Variants in SSH2 observed in about 807,000 individuals in gnomAD.
SSH2 encodes the protein protein phosphatase Slingshot homolog 2.
Under a neutral mutation model 135.2 loss-of-function variants are expected in SSH2, and 37 were observed. The ratio of observed to expected loss-of-function variants is 0.27; its 90% CI spans 0.21 to 0.36. SSH2 has a LOEUF of 0.36. Among genes scored for constraint, SSH2 ranks in the 10% least tolerant of loss-of-function variants. The pLI is 1.00. For synonymous variants in SSH2, 628 were observed against 646.2 expected (o/e 0.97, Z 0.43); for missense variants, 1,408 against 1,765.3 (o/e 0.80, Z 3.63).
chr17:29,713,073 C>A (rs1445907005), intron 3 of SSH2, among the ~76,000 whole-genome samples: 1 of 152,210 alleles, frequency 6.6e-6, no homozygotes, highest in Non-Finnish European at 1.5e-5. Flanking sequence ...TGGTGGCTCA[C>A]GCCTGTAATT....
intron 3 of SSH2, among the ~76,000 whole-genome samples, chr17:29,736,248 G>GA (rs58841564): frequency 0.44 from 67,063 of 151,520 alleles, 15,144 homozygotes; most frequent in Non-Finnish European, 0.48. Context: ...CATTAAATCT[G>GA]CCAGCAAAAG....
chr17:29,822,016 A>G (rs1305925659), intron 2 of SSH2, among the ~76,000 whole-genome samples: 2 of 152,240 alleles, frequency 1.3e-5, no homozygotes, highest in Non-Finnish European at 2.9e-5. Context: ...CATGAGCTAA[A>G]CAGTAACCTG....
chr17:29,760,097 G>T (rs962163994), intron 3 of SSH2, among the ~76,000 whole-genome samples: 1 of 152,100 alleles, frequency 6.6e-6, no homozygotes, highest in Non-Finnish European at 1.5e-5. Flanking sequence ...AGTTTAATTC[G>T]ATTTGGTAGG....
chr17:29,716,496 A>G, intron 3 of SSH2: 1 of 709,582 alleles, frequency 1.4e-6, no homozygotes, highest in South Asian at 1.4e-5. Flanking sequence ...TTAACATTGT[A>G]GACTCCTTCA....
chr17:29,630,996 G>A lies in SSH2; in HGVS notation c.4198C>T (p.Pro1400Ser), dbSNP rs750299901. ...LELTSSEGGL[P>S]VLQTQGLQCA... The stretch of plus-strand genomic sequence containing the variant: ...TGCAGTCCCTGGGTCTGTAGCACGG[G>A]AAGGCCTCCTTCAGAACTAGTCAAT... The change falls in exon 16 of 16, where the codon CCC becomes TCC. Residue 1400 changes from proline (P) to serine (S), a missense_variant. Pro to Ser is a moderately conservative substitution (Grantham distance 74). This residue lies in a region of SSH2 where 1,080 missense variants were observed against 1,144.5 expected (regional missense o/e 0.94). Transcript: ENST00000540801. 56 of 1,613,808 alleles carry A rather than the reference G, an allele frequency of 3.5e-5. No individual in the cohort carries two copies. The highest frequency in any genetic ancestry group is 5.5e-5 in the South Asian group (5 of 91,088).
intron 2 of SSH2, among the ~76,000 whole-genome samples, chr17:29,796,407 C>T (rs2042156790): frequency 6.6e-6 from 1 of 152,190 alleles, no homozygotes; most frequent in South Asian, 2.1e-4. Flanking sequence ...GTGGCGCAAT[C>T]TCAGCTCACT....
chr17:29,692,321 A>G (rs1330759213), intron 5 of SSH2, among the ~76,000 whole-genome samples: 3 of 152,192 alleles, frequency 2.0e-5, no homozygotes, highest in African/African-American at 7.2e-5. Context: ...TAATTTGTCC[A>G]AAGTCATACA....
At chr17:29,732,491 C>CA (rs1397562968) in intron 3 of SSH2, among the ~76,000 whole-genome samples, 5 of 151,932 alleles carry the variant, frequency 3.3e-5, no homozygotes, top group African/African-American at 4.8e-5. Flanking sequence ...TGGTCTAGTG[C>CA]AAAAAAATTT....
At chr17:29,753,991 C>T (rs986841180) in intron 3 of SSH2, among the ~76,000 whole-genome samples, 1 of 152,122 alleles carries the variant, frequency 6.6e-6, no homozygotes, top group Admixed American at 6.5e-5. Context: ...GCTCTGGATT[C>T]AGAGACAAGA....
chr17:29,785,825 G>A (rs1394728955), intron 3 of SSH2, among the ~76,000 whole-genome samples: 2 of 57,312 alleles, frequency 3.5e-5, no homozygotes, highest in Non-Finnish European at 7.6e-5. Context: ...TTTTTTTTTA[G>A]ACGGAGTCTG....
intron 5 of SSH2, among the ~76,000 whole-genome samples, chr17:29,689,157 CAA>C (rs5819872): frequency 9.9e-4 from 144 of 144,944 alleles, no homozygotes; most frequent in African/African-American, 8.9e-4. Context: ...GTGAGACTCT[CAA>C]AAAAAAAAAA....
chr17:29,842,522 A>C (rs1320806056), intron 2 of SSH2, among the ~76,000 whole-genome samples: 1 of 152,100 alleles, frequency 6.6e-6, no homozygotes, highest in Non-Finnish European at 1.5e-5. Context: ...ACTGAGTTAA[A>C]TAAGGCTAAT....
chr17:29,646,078 A>G (rs889296002), intron 14 of SSH2, among the ~76,000 whole-genome samples: 5 of 152,212 alleles, frequency 3.3e-5, no homozygotes, highest in Non-Finnish European at 5.9e-5. Context: ...AAAACCACCT[A>G]GAATATACCT....
At chr17:29,695,817 CTTG>C (rs1362252428) in intron 4 of SSH2, among the ~76,000 whole-genome samples, 1 of 152,084 alleles carries the variant, frequency 6.6e-6, no homozygotes, top group Non-Finnish European at 1.5e-5. Context: ...TCATGAGAGA[CTTG>C]TTGGTGAGAT....
chr17:29,801,525 C>T (rs2042250661), intron 2 of SSH2, among the ~76,000 whole-genome samples: 2 of 152,180 alleles, frequency 1.3e-5, no homozygotes, highest in Non-Finnish European at 2.9e-5. Context: ...GTCTTCAAAG[C>T]TAGTTTCAAA....
intron 1 of SSH2, among the ~76,000 whole-genome samples, chr17:29,890,852 T>G (rs1009019646): frequency 1.3e-5 from 2 of 152,162 alleles, no homozygotes; most frequent in African/African-American, 4.8e-5. Context: ...GCCTCCTGTG[T>G]TCAAGTGATT....
At chr17:29,705,943 A>ACTTCCTGTATAGGTT (rs1293265487) in intron 3 of SSH2, among the ~76,000 whole-genome samples, 1 of 152,196 alleles carries the variant, frequency 6.6e-6, no homozygotes, top group Non-Finnish European at 1.5e-5. Context: ...TGTTGTGGTT[A>ACTTCCTGTATAGGTT]CCTTCCTATA....
At chr17:29,691,401 CA>C (rs2038465626) in intron 5 of SSH2, among the ~76,000 whole-genome samples, 1 of 152,126 alleles carries the variant, frequency 6.6e-6, no homozygotes, top group Non-Finnish European at 1.5e-5. Context: ...TTACTAGCTA[CA>C]GTTTTTCTAA....
intron 1 of SSH2, among the ~76,000 whole-genome samples, chr17:29,900,298 A>G (rs2066526237): frequency 6.6e-6 from 1 of 152,202 alleles, no homozygotes; most frequent in Admixed American, 6.5e-5. Context: ...TAATTAAACT[A>G]AAGAGCTTCT....
Sources: allele counts gnomAD v4.1 joint callset (sites outside exome capture counted in the v4.1 genomes callset), GRCh38; gene constraint gnomAD v4.1.1; regional missense constraint gnomAD v4.1.1; transcripts MANE v1.5; gene names NCBI Gene and HGNC (gene_info 2026-07-23, HGNC 2026-07-21).